ARID4A: variants seen among roughly 807,000 people sequenced by gnomAD.
ARID4A encodes AT-rich interactive domain-containing protein 4A.
A neutral mutation model predicts 148.6 loss-of-function variants in ARID4A; 39 were observed. The observed-to-expected ratio is 0.26, with a 90% CI of 0.20 to 0.34. The LOEUF (loss-of-function observed/expected upper bound fraction) is 0.34, where lower values mean the gene tolerates loss of function less well. Ranked by LOEUF, ARID4A falls within the 10% of genes least tolerant of loss-of-function variation. The probability of loss-of-function intolerance (pLI) is 1.00; values close to 1 mark genes in which losing one functional copy is unlikely to be tolerated. For missense variants in ARID4A, 1,265 were observed against 1,449.1 expected (o/e 0.87, Z 2.06); for synonymous variants, 475 against 481.2 (o/e 0.99, Z 0.17).
chr14:58,327,507 A>ATT (rs796761376), intron 8 of ARID4A, among the ~76,000 whole-genome samples: 1 of 146,778 alleles, frequency 6.8e-6, no homozygotes, highest in Non-Finnish European at 1.5e-5. Flanking sequence ...GGTAACATAG[A>ATT]TTTTTTTTTT....
At chr14:58,332,435 A>T (rs1421632556) in intron 11 of ARID4A, among the ~76,000 whole-genome samples, 1 of 152,146 alleles carries the variant, frequency 6.6e-6, no homozygotes, top group Non-Finnish European at 1.5e-5. Context: ...TTATTAAACT[A>T]ATTCTTTTTC....
chr14:58,314,191 C>T (rs1312250126), intron 5 of ARID4A, among the ~76,000 whole-genome samples: 2 of 151,962 alleles, frequency 1.3e-5, no homozygotes, highest in Non-Finnish European at 1.5e-5. Flanking sequence ...GACTTTTTTT[C>T]CTCTTAGCAT....
intron 19 of ARID4A, among the ~76,000 whole-genome samples, chr14:58,362,946 A>G (rs1415997392): frequency 6.6e-6 from 1 of 152,194 alleles, no homozygotes; most frequent in Admixed American, 6.5e-5. Context: ...GTTTGCTATT[A>G]GTCCATATGG....
intron 23 of ARID4A, among the ~76,000 whole-genome samples, chr14:58,371,364 G>A (rs1401370905): frequency 3.3e-5 from 5 of 152,148 alleles, no homozygotes; most frequent in African/African-American, 4.8e-5. Context: ...TCAGAGTACC[G>A]ATCCCTAATC....
Position 58,347,101 on chromosome 14 carries a change from A to C in ARID4A, c.1156A>C (p.Lys386Gln). Residue 386 changes from lysine to glutamine, a missense_variant, in exon 14 of 24, where the codon AAA becomes CAA. By Grantham distance (53) the Lys-to-Gln change is moderately conservative. Transcript: ENST00000355431. ...ILNSAASYNVKTAYRKYLYGF... is the reference protein window; with the variant it reads ...ILNSAASYNVQTAYRKYLYGF... ...GAATTCAGCTGCTTCCTACAATGTAAAAACTGCTTATAGAAAGTAAGTAGT... is the reference window on the plus strand; with the variant it reads ...GAATTCAGCTGCTTCCTACAATGTACAAACTGCTTATAGAAAGTAAGTAGT... The C allele has an allele frequency of 1.9e-6, 3 of 1,567,668 alleles. No individual in the cohort carries two copies. The highest frequency in any genetic ancestry group is 2.6e-6 in the Non-Finnish European group (3 of 1,154,450).
intron 12 of ARID4A, among the ~76,000 whole-genome samples, chr14:58,345,086 C>T (rs916642597): frequency 6.6e-6 from 1 of 151,854 alleles, no homozygotes; most frequent in African/African-American, 2.4e-5. Flanking sequence ...GCCATATTGC[C>T]GAGGCTGGTC....
chr14:58,336,955 G>A (rs1289158587), intron 11 of ARID4A, among the ~76,000 whole-genome samples: 4 of 150,364 alleles, frequency 2.7e-5, no homozygotes, highest in African/African-American at 9.8e-5. Context: ...GCTGTGGCGC[G>A]ATTTCCACTC....
intron 8 of ARID4A, among the ~76,000 whole-genome samples, chr14:58,326,438 G>GA (rs1321507475): frequency 6.6e-6 from 1 of 151,716 alleles, no homozygotes; most frequent in African/African-American, 2.4e-5. Flanking sequence ...CTCTGTCTCA[G>GA]AAAAAAAAGT....
rs1270726778 is a variant in ARID4A at position 58,310,224 on chromosome 14, TTTTTTTTG to T, written c.274+4126_274+4133del. Among the ~76,000 whole-genome samples the T allele has an allele frequency of 4.6e-5, 7 of 152,046 alleles. No homozygotes were observed. The East Asian group carries it at 1.3e-3, about 29-fold the overall frequency. On this transcript the variant is annotated intron_variant, in intron 5 of 23. Coordinates refer to ENST00000355431, the MANE Select transcript of ARID4A (RefSeq NM_002892.4). ...TCAGATTCCTGGAGTTTTTTTTTGTTTTTTTTTGTTTTTTTGTTTTTACCTTAGCTGCT... is the reference window on the plus strand; with the variant it reads ...TCAGATTCCTGGAGTTTTTTTTTGTTTTTTTTTGTTTTTACCTTAGCTGCT...
intron 18 of ARID4A, 24 bp downstream of exon 18, chr14:58,359,240 T>C: frequency 6.5e-7 from 1 of 1,548,834 alleles, no homozygotes; most frequent in Non-Finnish European, 8.7e-7. Context: ...TTTATGTCCT[T>C]TATAATATGT....
chr14:58,320,406 T>G (rs972050556), intron 7 of ARID4A, among the ~76,000 whole-genome samples: 1 of 152,176 alleles, frequency 6.6e-6, no homozygotes, highest in African/African-American at 2.4e-5. Flanking sequence ...TTAACGCTGA[T>G]AGACTACTAT....
chr14:58,305,893 C>T, intron 4 of ARID4A, 129 bp from the exon 5 acceptor site: 1 of 669,898 alleles, frequency 1.5e-6, no homozygotes, highest in Non-Finnish European at 2.6e-6. Context: ...TGATAAAGAT[C>T]TCAGACAGTG....
intron 13 of ARID4A, among the ~76,000 whole-genome samples, 198 bp from the exon 14 acceptor site, chr14:58,346,822 G>C (rs1361145379): frequency 6.7e-6 from 1 of 149,928 alleles, no homozygotes; most frequent in Non-Finnish European, 1.5e-5. Context: ...CAACTACTCG[G>C]GAAGCTGAGG....
At chr14:58,360,796 T>C (rs1200206492) in intron 18 of ARID4A, 105 bp from the exon 19 acceptor site, 3 of 1,225,966 alleles carry the variant, frequency 2.4e-6, no homozygotes, top group African/African-American at 3.0e-5. Context: ...AAGTGACATA[T>C]AAAATATCAA....
intron 14 of ARID4A, 113 bp from the exon 15 acceptor site, chr14:58,347,534 C>G: frequency 1.3e-6 from 1 of 797,566 alleles, no homozygotes; most frequent in East Asian, 2.9e-5. Context: ...AAAAGAGTAA[C>G]AAAAATTTTT....
intron 5 of ARID4A, among the ~76,000 whole-genome samples, chr14:58,315,757 A>G (rs962855110): frequency 3.9e-5 from 6 of 152,234 alleles, no homozygotes; most frequent in Non-Finnish European, 8.8e-5. Context: ...TCAAATATTT[A>G]GCACCCTATT....
chr14:58,345,210 G>C (rs1021941595), intron 12 of ARID4A, among the ~76,000 whole-genome samples: 1 of 152,054 alleles, frequency 6.6e-6, no homozygotes, highest in African/African-American at 2.4e-5. Context: ...CCTAGAATCA[G>C]TTACACCTGA....
At chr14:58,304,357 C>T (rs1206315607) in intron 3 of ARID4A, among the ~76,000 whole-genome samples, 1 of 152,094 alleles carries the variant, frequency 6.6e-6, no homozygotes, top group Non-Finnish European at 1.5e-5. Context: ...GGAGGTCTTA[C>T]CATACATTAC....
rs144807874 is a variant in ARID4A at position 58,309,081 on chromosome 14, C to A, written c.274+2969C>A. 1.6e-3 allele frequency among the ~76,000 whole-genome samples: 245 copies of A among 152,240 alleles called. 3 individuals carry two copies. The highest frequency in any genetic ancestry group is 5.8e-3 in the African/African-American group (241 of 41,532). ...TAGTATGACTCAGTTTTTAAAAAAT[C>A]TGGTAATATCTTACCCTCTAATGGT... On this transcript the variant is annotated intron_variant, in intron 5 of 23. Coordinates refer to ENST00000355431, the MANE Select transcript of ARID4A (RefSeq NM_002892.4).
Sources: allele counts gnomAD v4.1 joint callset (sites outside exome capture counted in the v4.1 genomes callset), GRCh38; gene constraint gnomAD v4.1.1; transcripts MANE v1.5; gene names NCBI Gene and HGNC (gene_info 2026-07-23, HGNC 2026-07-21).